The following AATF variants were observed in gnomAD, a reference collection of about 807,000 sequenced individuals.
The protein encoded by AATF is apoptosis antagonizing transcription factor.
Under a neutral mutation model 63.7 loss-of-function variants are expected in AATF, and 48 were observed. The ratio of observed to expected loss-of-function variants is 0.75; its 90% CI spans 0.60 to 0.96. The LOEUF is 0.96. Among genes scored for constraint, AATF ranks in the 40% least tolerant of loss-of-function variants. AATF has a pLI of 0.00. For missense variants in AATF, 639 were observed against 685.7 expected (o/e 0.93, Z 0.76); for synonymous variants, 258 against 247.7 (o/e 1.04, Z -0.39).
At chr17:36,950,667 T>C (rs1259142443) in intron 2 of AATF, among the ~76,000 whole-genome samples, 2 of 152,096 alleles carry the variant, frequency 1.3e-5, no homozygotes, top group South Asian at 2.1e-4. Flanking sequence ...GCCCGGCTAA[T>C]TTTGTATTTT....
chr17:36,956,989 AG>A (rs774569609), intron 4 of AATF, among the ~76,000 whole-genome samples: 152 of 150,262 alleles, frequency 1.0e-3, no homozygotes, highest in Non-Finnish European at 1.9e-3. Context: ...GAAAAAAAAA[AG>A]AGAGAGAGAG....
intron 4 of AATF, among the ~76,000 whole-genome samples, chr17:36,983,498 C>T (rs2071143255): frequency 6.6e-6 from 1 of 152,134 alleles, no homozygotes; most frequent in Non-Finnish European, 1.5e-5. Context: ...CAGGCATGCG[C>T]CACCATACCC....
chr17:37,039,066 C>T (rs983728150), intron 11 of AATF, among the ~76,000 whole-genome samples: 1 of 152,158 alleles, frequency 6.6e-6, no homozygotes, highest in Non-Finnish European at 1.5e-5. Flanking sequence ...ATTCTTTTCC[C>T]CCAGTTGGTA....
intron 4 of AATF, among the ~76,000 whole-genome samples, chr17:36,986,249 G>A (rs1167560687): frequency 6.6e-6 from 1 of 152,204 alleles, no homozygotes; most frequent in African/African-American, 2.4e-5. Context: ...GTAACCTGTA[G>A]GAAGATACCT....
intron 4 of AATF, among the ~76,000 whole-genome samples, chr17:36,981,104 T>C (rs904026160): frequency 2.0e-5 from 3 of 152,146 alleles, no homozygotes; most frequent in Admixed American, 6.5e-5. Context: ...TTTACTGATA[T>C]TGGCTCTCTG....
chr17:37,004,874 C>T (rs994108375), intron 8 of AATF, among the ~76,000 whole-genome samples: 1 of 152,188 alleles, frequency 6.6e-6, no homozygotes, highest in Non-Finnish European at 1.5e-5. Flanking sequence ...CTTTCTCTCA[C>T]TACATTCATC....
intron 11 of AATF, among the ~76,000 whole-genome samples, chr17:37,040,610 A>T (rs535320604): frequency 2.0e-4 from 31 of 152,108 alleles, no homozygotes; most frequent in African/African-American, 7.5e-4. Flanking sequence ...CCCAACCCCC[A>T]CTGCTGTTGC....
intron 7 of AATF, among the ~76,000 whole-genome samples, chr17:36,990,425 A>G (rs1228599704): frequency 6.6e-6 from 1 of 151,986 alleles, no homozygotes; most frequent in Non-Finnish European, 1.5e-5. Flanking sequence ...TGGAAGTGTT[A>G]AAGAAAATAC....
At chr17:36,968,806 G>A (rs1318059075) in intron 4 of AATF, among the ~76,000 whole-genome samples, 2 of 151,980 alleles carry the variant, frequency 1.3e-5, no homozygotes, top group Non-Finnish European at 2.9e-5. Context: ...TTTTAGTAGA[G>A]ATGAGGTCTT....
At chr17:36,980,103 A>G (rs981035697) in intron 4 of AATF, 1 of 152,198 alleles carries the variant, frequency 6.6e-6, no homozygotes, top group African/African-American at 2.4e-5. Flanking sequence ...TACTATTTTT[A>G]CCTTATTTTG....
At chr17:37,038,424 G>C (rs548691498) in intron 11 of AATF, among the ~76,000 whole-genome samples, 1 of 152,316 alleles carries the variant, frequency 6.6e-6, no homozygotes, top group South Asian at 2.1e-4. Flanking sequence ...GGACATTCAT[G>C]TGAACCTGCT....
intron 10 of AATF, 89 bp from the exon 11 acceptor site, chr17:37,031,525 T>C: frequency 9.4e-7 from 1 of 1,065,104 alleles, no homozygotes; most frequent in Non-Finnish European, 1.5e-6. Flanking sequence ...CAGTGATCAG[T>C]TCTGGAGTTT....
chr17:37,002,543 G>A (rs1473471570), intron 8 of AATF, among the ~76,000 whole-genome samples: 1 of 150,976 alleles, frequency 6.6e-6, no homozygotes, highest in Admixed American at 6.6e-5. Context: ...GTGGTGGTGG[G>A]CGCCTGTAGT....
At chr17:37,031,369 C>A in intron 10 of AATF, 1 of 540,954 alleles carries the variant, frequency 1.8e-6, no homozygotes. Context: ...ATATAAGGAA[C>A]TTGAGCATCC....
chr17:37,013,471 T>C (rs2071406621), intron 8 of AATF, among the ~76,000 whole-genome samples: 1 of 152,198 alleles, frequency 6.6e-6, no homozygotes, highest in Admixed American at 6.5e-5. Flanking sequence ...CTCAGGCTGC[T>C]TCTGTTCATG....
intron 8 of AATF, among the ~76,000 whole-genome samples, chr17:37,007,117 C>T (rs2071347011): frequency 6.6e-6 from 1 of 152,150 alleles, no homozygotes; most frequent in African/African-American, 2.4e-5. Context: ...TGCACTTCCC[C>T]TTGCAAAAGG....
intron 4 of AATF, among the ~76,000 whole-genome samples, chr17:36,975,146 T>C (rs528693842): frequency 8.9e-4 from 135 of 152,164 alleles, no homozygotes; most frequent in Non-Finnish European, 1.7e-3. Context: ...TTTAAATAAT[T>C]TATCTGACTT....
chr17:36,988,803 A>T, intron 6 of AATF, 83 bp downstream of exon 6: 5 of 1,284,468 alleles, frequency 3.9e-6, no homozygotes, highest in Non-Finnish European at 5.5e-6. Flanking sequence ...ACTACAGCTC[A>T]TTTATATGGA....
rs761810161 is a variant in AATF at position 37,031,694 on chromosome 17, T to C, written c.1619+9T>C. On this transcript the variant is annotated intron_variant, in intron 11 of 11. Transcript: ENST00000619387. ...ATGAATGATGATGCCAGGTGAGTAATAGATTAATTATGTGTCTCAAATGGC... is the reference window on the plus strand; with the variant it reads ...ATGAATGATGATGCCAGGTGAGTAACAGATTAATTATGTGTCTCAAATGGC... The C allele has an allele frequency of 3.1e-6, 5 of 1,609,798 alleles. No homozygotes were observed. The highest frequency in any genetic ancestry group is 2.2e-5 in the South Asian group (2 of 90,992).
Sources: allele counts gnomAD v4.1 joint callset (sites outside exome capture counted in the v4.1 genomes callset), GRCh38; gene constraint gnomAD v4.1.1; transcripts MANE v1.5; gene names NCBI Gene and HGNC (gene_info 2026-07-23, HGNC 2026-07-21).